The following ZNF248 variants were observed in gnomAD, a reference collection of about 807,000 sequenced individuals.
The protein encoded by ZNF248 is zinc finger protein 248.
A neutral mutation model predicts 44.3 loss-of-function variants in ZNF248; 20 were observed. The ratio of observed to expected loss-of-function variants is 0.45; its 90% CI spans 0.32 to 0.66. ZNF248 has a LOEUF of 0.66. Ranked by LOEUF, ZNF248 falls within the 30% of genes least tolerant of loss-of-function variation. The probability of loss-of-function intolerance (pLI) is 0.04; values close to 1 mark genes in which losing one functional copy is unlikely to be tolerated. For missense variants in ZNF248, 654 were observed against 677.0 expected (o/e 0.97, Z 0.38); for synonymous variants, 224 against 229.0 (o/e 0.98, Z 0.20).
At chr10:37,764,263 C>A in the ZNF248 span, among the ~76,000 whole-genome samples, 1 of 152,100 alleles carries the variant, frequency 6.6e-6, no homozygotes, top group Non-Finnish European at 1.5e-5. Context: ...GAAATAAGCC[C>A]CGGTCTCCCG....
At chr10:37,796,114 C>G (rs1304889723) in intron 6 of ZNF248, 1 of 151,970 alleles carries the variant, frequency 6.6e-6, no homozygotes. Context: ...ATTTGATTAA[C>G]TGATATATCT....
chr10:37,765,216 C>A, the ZNF248 span, among the ~76,000 whole-genome samples: 1 of 152,130 alleles, frequency 6.6e-6, no homozygotes, highest in African/African-American at 2.4e-5. Context: ...CTCGGCCTCC[C>A]AAAGTGCTGG....
chr10:37,791,585 G>T (rs1482273944), intron 6 of ZNF248: 4 of 152,084 alleles, frequency 2.6e-5, no homozygotes, highest in African/African-American at 9.7e-5. Context: ...CAGGGAAGTG[G>T]GAGACAGATG....
At chr10:37,846,518 C>A (rs1470051104) in intron 3 of ZNF248, among the ~76,000 whole-genome samples, 1 of 151,996 alleles carries the variant, frequency 6.6e-6, no homozygotes, top group African/African-American at 2.4e-5. Context: ...TAGTGGCATG[C>A]ACCTGTAGTT....
intron 6 of ZNF248, chr10:37,784,052 G>C (rs897366472): frequency 1.3e-5 from 2 of 152,442 alleles, no homozygotes; most frequent in Admixed American, 6.5e-5. Flanking sequence ...TACCTCAGGT[G>C]ATCTGCCTGC....
At chr10:37,820,420 C>G in intron 6 of ZNF248, 1 of 1,546,682 alleles carries the variant, frequency 6.5e-7, no homozygotes. Context: ...GAGCAGACTG[C>G]TCCTCCGTTG....
chr10:37,797,649 G>A (rs948934769), intron 6 of ZNF248, among the ~76,000 whole-genome samples: 2 of 152,090 alleles, frequency 1.3e-5, no homozygotes, highest in African/African-American at 4.8e-5. Context: ...CAAAGGATAT[G>A]AATAGAAATT....
intron 3 of ZNF248, among the ~76,000 whole-genome samples, chr10:37,846,349 T>C (rs1702760697): frequency 6.6e-6 from 1 of 152,098 alleles, no homozygotes; most frequent in African/African-American, 2.4e-5. Context: ...AAAAAGACAA[T>C]GAAGCCAGGT....
chr10:37,856,269 C>G, intron 3 of ZNF248, 27 bp downstream of exon 3: 1 of 1,609,446 alleles, frequency 6.2e-7, no homozygotes. Flanking sequence ...TTTAAACAAA[C>G]TGGGAATAAA....
intron 6 of ZNF248, among the ~76,000 whole-genome samples, chr10:37,812,666 C>T (rs1052112877): frequency 2.6e-5 from 4 of 152,202 alleles, no homozygotes; most frequent in Admixed American, 1.3e-4. Flanking sequence ...CCCAGAACCC[C>T]AGCAGTTCAA....
At chr10:37,856,265 C>T in intron 3 of ZNF248, 31 bp downstream of exon 3, 1 of 1,607,588 alleles carries the variant, frequency 6.2e-7, no homozygotes, top group East Asian at 2.2e-5. Context: ...CATTTTTAAA[C>T]AAACTGGGAA....
chr10:37,778,643 T>C (rs1253327062), intron 6 of ZNF248, among the ~76,000 whole-genome samples: 2 of 152,192 alleles, frequency 1.3e-5, no homozygotes, highest in African/African-American at 2.4e-5. Context: ...GGTTTTCTTC[T>C]AGGGTTTTTA....
intron 6 of ZNF248, among the ~76,000 whole-genome samples, chr10:37,804,437 T>C (rs1047204639): frequency 1.3e-5 from 2 of 151,884 alleles, no homozygotes; most frequent in African/African-American, 4.8e-5. Flanking sequence ...TATGTATTTA[T>C]TTATTTCTTT....
At chr10:37,843,432 AAAAAAAAG>A (rs2058719348) in intron 3 of ZNF248, among the ~76,000 whole-genome samples, 1 of 151,596 alleles carries the variant, frequency 6.6e-6, no homozygotes, top group Non-Finnish European at 1.5e-5. Context: ...TCAAAAAAAA[AAAAAAAAG>A]AAAAAAAGAA....
intron 6 of ZNF248, among the ~76,000 whole-genome samples, chr10:37,796,840 A>G (rs2049219512): frequency 6.6e-6 from 1 of 152,186 alleles, no homozygotes; most frequent in East Asian, 1.9e-4. Context: ...CCATCAATCA[A>G]TTAGAATATC....
chr10:37,773,537 G>T (rs2046353028), downstream of ZNF248, among the ~76,000 whole-genome samples: 1 of 152,036 alleles, frequency 6.6e-6, no homozygotes, highest in East Asian at 1.9e-4. Context: ...TCATTTTCTG[G>T]GGATGCCATA....
intron 6 of ZNF248, among the ~76,000 whole-genome samples, chr10:37,779,635 A>G (rs1164727418): frequency 1.3e-5 from 2 of 151,960 alleles, no homozygotes; most frequent in Non-Finnish European, 2.9e-5. Flanking sequence ...CACCACTCCT[A>G]TTCAACATAG....
chr10:37,821,202 C>T lies in ZNF248; in HGVS notation c.330+11823G>A, dbSNP rs183597265. ...TGTCTGTTTCATCTAGAAATAACTCCTAAGCAACTACAAAAATGACATACC... is the reference window on the plus strand; with the variant it reads ...TGTCTGTTTCATCTAGAAATAACTCTTAAGCAACTACAAAAATGACATACC... On this transcript the variant is annotated intron_variant, in intron 6 of 6. Coordinates refer to the ZNF248 transcript ENST00000615949. 8.3e-4 allele frequency among the ~76,000 whole-genome samples: 123 copies of T among 147,986 alleles called. 1 individual carries two copies. Among genetic ancestry groups the T allele is most frequent in the African/African-American group, 3.2e-3 (121 of 37,466 alleles).
chr10:37,830,994 G>T lies in ZNF248; in HGVS notation c.*621C>A. 1.4e-6 allele frequency: 1 copy of T among 733,510 alleles called. No homozygotes were observed. The highest frequency in any genetic ancestry group is 4.7e-5 in the Admixed American group (1 of 21,370). The allele number at this position is 733,510 out of a possible 1,614,324, so 45.4% of individuals were successfully genotyped here. On this transcript the variant is annotated 3_prime_UTR_variant, in exon 6 of 6. Coordinates refer to ENST00000395867, the MANE Select transcript of ZNF248 (RefSeq NM_021045.3). ...TTTAAGTCAGTATGAGGTTATACTA[G>T]CACATCACTATATTTAAGTATGTGT...
Sources: gnomAD v4.1 joint callset for allele counts (sites outside exome capture counted in the v4.1 genomes callset) on GRCh38, gnomAD v4.1.1 for gene constraint, MANE v1.5 for transcripts, NCBI Gene and HGNC (gene_info 2026-07-23, HGNC 2026-07-21) for gene names.